SFI1: variants seen among roughly 807,000 people sequenced by gnomAD.
The protein encoded by SFI1 is protein SFI1 homolog.
Under a neutral mutation model 207.5 loss-of-function variants are expected in SFI1, and 195 were observed. That is an observed-to-expected ratio of 0.94 (90% CI 0.84 to 1.06). The LOEUF (loss-of-function observed/expected upper bound fraction) is 1.06. Among genes scored for constraint, SFI1 ranks in the 50% least tolerant of loss-of-function variants. The pLI, the probability that SFI1 is intolerant of heterozygous loss-of-function variation, is 0.00. For synonymous variants in SFI1, 630 were observed against 598.9 expected (o/e 1.05, Z -0.76); for missense variants, 1,634 against 1,588.0 (o/e 1.03, Z -0.49).
rs894427350 is a variant in SFI1 at position 31,607,756 on chromosome 22, C to T, written c.2158-181C>T. 5 of 502,404 alleles carry T rather than the reference C, an allele frequency of 1.0e-5. No individual in the cohort carries two copies. In the South Asian group the frequency reaches 1.5e-4, roughly 15 times the overall value. The allele number at this position is 502,404 out of a possible 1,614,324, so 31.1% of individuals were successfully genotyped here. ...GAAATGCTGGGCTTCCTGTGAGGGG[C>T]TGGGGCCCTGTCCTATTGCTCAGTG... On this transcript the variant is annotated intron_variant, in intron 21 of 32. Transcript: ENST00000400288.
rs1220311850 is a variant in SFI1 at position 31,612,378 on chromosome 22, T to TGAAAAAAAAAAAA, written c.2490+538_2490+539insGAAAAAAAAAAAA. 3 of 62,260 alleles carry TGAAAAAAAAAAAA rather than the reference T, an allele frequency of 4.8e-5. 1 individual carries two copies. The highest frequency in any genetic ancestry group is 1.4e-3 in the South Asian group (2 of 1,428). 3.9% of individuals were successfully genotyped at this position (62,260 alleles called of 1,614,324 possible). ...CCGGGCAACAGAGCGAGACTCTGTC[T>TGAAAAAAAAAAAA]AAAAAAAAAAAAAAAAAAAAATATA... On this transcript the variant is annotated intron_variant, in intron 24 of 32. Transcript: ENST00000400288.
At chr22:31,573,347 G>T in intron 9 of SFI1, 133 bp downstream of exon 9, 6 of 746,036 alleles carry the variant, frequency 8.0e-6, no homozygotes, top group Non-Finnish European at 1.2e-5. Context: ...AGATTAAGGA[G>T]GAAAATACAT....
At chr22:31,533,024 A>G (rs1271162464) in intron 4 of SFI1, among the ~76,000 whole-genome samples, 3 of 152,170 alleles carry the variant, frequency 2.0e-5, no homozygotes, top group Non-Finnish European at 4.4e-5. Flanking sequence ...CAGAAAATAG[A>G]GGCGTTAACA....
At position 31,568,210 on chromosome 22, in the gene SFI1, GTA is replaced by G. The variant is rs1158605358; in HGVS notation, c.766-4832_766-4831del. ...GTGTGTGTGTTGTGTGTGTGTGTGT[GTA>G]TATATATATATATATTTTTTTTTTT... On this transcript the variant is annotated intron_variant, in intron 8 of 32. Coordinates refer to ENST00000400288, the MANE Select transcript of SFI1 (RefSeq NM_001007467.3). Among the ~76,000 whole-genome samples, 302 of 114,574 alleles carry G rather than the reference GTA, an allele frequency of 2.6e-3. 2 individuals carry two copies. Among genetic ancestry groups the G allele is most frequent in the East Asian group, 0.024 (67 of 2,742 alleles). The allele number at this position is 114,574 out of a possible 152,430, so 75.2% of individuals were successfully genotyped here. A position where few individuals can be genotyped will look rare whatever the true frequency, so the allele number is the denominator to read the frequency against.
At chr22:31,512,542 A>G (rs951142722) in intron 2 of SFI1, among the ~76,000 whole-genome samples, 2 of 151,366 alleles carry the variant, frequency 1.3e-5, no homozygotes, top group Non-Finnish European at 2.9e-5. Context: ...TTTGAGACGG[A>G]GTCTCGCCCT....
chr22:31,611,823 C>T lies in SFI1; in HGVS notation c.2473C>T (p.Arg825Cys), dbSNP rs372720690. 41 of 1,613,838 alleles carry T rather than the reference C, an allele frequency of 2.5e-5. No individual in the cohort carries two copies. The highest frequency in any genetic ancestry group is 5.0e-5 in the Admixed American group (3 of 60,004). ...LAQRLSRTCF[R>C]QWRQQLAARR... ...ACAGAGACTCAGCCGGACCTGCTTC[C>T]GCCAGTGGAGACAACAGGTGGGAAC... The change falls in exon 24 of 33, where the codon CGC becomes TGC. Residue 825 changes from arginine to cysteine, a missense_variant. Coordinates refer to ENST00000400288, the MANE Select transcript of SFI1 (RefSeq NM_001007467.3).
At chr22:31,540,251 A>ATATTT (rs531554203) in intron 4 of SFI1, among the ~76,000 whole-genome samples, 7 of 150,016 alleles carry the variant, frequency 4.7e-5, no homozygotes, top group African/African-American at 9.8e-5. Flanking sequence ...TTATTTATTT[A>ATATTT]TATTTTATTT....
chr22:31,616,000 T>G (rs2071363466), intron 29 of SFI1: 3 of 151,644 alleles, frequency 2.0e-5, no homozygotes, highest in South Asian at 2.1e-4. Flanking sequence ...GGCCAGAGAT[T>G]GAGAAGAATC....
At chr22:31,585,840 CT>C (rs2064963472) in intron 14 of SFI1, among the ~76,000 whole-genome samples, 1 of 152,174 alleles carries the variant, frequency 6.6e-6, no homozygotes, top group South Asian at 2.1e-4. Flanking sequence ...TTGATGGCAT[CT>C]GCCATTGTGA....
intron 15 of SFI1, among the ~76,000 whole-genome samples, chr22:31,599,251 A>G (rs1347769761): frequency 6.6e-6 from 1 of 151,992 alleles, no homozygotes; most frequent in Non-Finnish European, 1.5e-5. Context: ...TTTTTTTTCT[A>G]CATATGATAT....
Position 31,550,239 on chromosome 22 carries a change from T to G in SFI1, c.450-15T>G. Reference sequence around the variant, plus strand: ...TATTTTGAAGAAATGCCATTTACTTTTTTTGGCTCCTCAGGTATTACCTGT... The same window carrying G: ...TATTTTGAAGAAATGCCATTTACTTGTTTTGGCTCCTCAGGTATTACCTGT... On this transcript the variant is annotated splice_polypyrimidine_tract_variant and intron_variant, in intron 5 of 32. Coordinates refer to ENST00000400288, the MANE Select transcript of SFI1 (RefSeq NM_001007467.3). 3 of 1,610,910 alleles carry G rather than the reference T, an allele frequency of 1.9e-6. No homozygotes were observed. Among genetic ancestry groups the G allele is most frequent in the Non-Finnish European group, 2.5e-6 (3 of 1,177,676 alleles).
At chr22:31,601,128 C>CTTTT (rs11354377) in intron 15 of SFI1, among the ~76,000 whole-genome samples, 3 of 80,308 alleles carry the variant, frequency 3.7e-5, no homozygotes, top group South Asian at 5.0e-4. Context: ...CTTTTCTTTA[C>CTTTT]TTTTTTTTTT....
At chr22:31,559,117 G>A (rs2061436928) in intron 7 of SFI1, among the ~76,000 whole-genome samples, 1 of 151,882 alleles carries the variant, frequency 6.6e-6, no homozygotes, top group South Asian at 2.1e-4. Flanking sequence ...TATTTATTGA[G>A]GGTTTAAAAT....
chr22:31,613,646 C>A lies in SFI1; in HGVS notation c.2787C>A (p.Leu929=). ...GTGCCGTCCGCCGCTGTGCCACGCT[C>A]TGGAAACAGAAAGTGCTGGGCCGGG... The part of the protein sequence containing the change: ...LHRAVRRCAT[L]WKQKVLGRGG... Residue 929 remains leucine (L), a synonymous_variant, in exon 27 of 33, where the codon CTC becomes CTA. Transcript: ENST00000400288. 6.2e-7 allele frequency: 1 copy of A among 1,603,188 alleles called. No individual in the cohort carries two copies. The highest frequency in any genetic ancestry group is 8.5e-7 in the Non-Finnish European group (1 of 1,173,150).
chr22:31,571,866 G>A (rs978941988), intron 8 of SFI1, among the ~76,000 whole-genome samples: 1 of 151,602 alleles, frequency 6.6e-6, no homozygotes, highest in African/African-American at 2.4e-5. Flanking sequence ...TCTAATTAAA[G>A]GTCACCCATT....
At chr22:31,540,639 G>A (rs2059398314) in intron 4 of SFI1, among the ~76,000 whole-genome samples, 1 of 151,374 alleles carries the variant, frequency 6.6e-6, no homozygotes, top group South Asian at 2.1e-4. Context: ...GGAGTGCAAT[G>A]GCATGATCTC....
chr22:31,515,544 CTGTG>C (rs34222417), intron 2 of SFI1, among the ~76,000 whole-genome samples: 155 of 145,538 alleles, frequency 1.1e-3, no homozygotes, highest in East Asian at 3.5e-3. Flanking sequence ...GTGCCTGGCT[CTGTG>C]TGTGTGTGTG....
intron 2 of SFI1, among the ~76,000 whole-genome samples, chr22:31,517,285 G>A (rs11704494): frequency 0.42 from 64,444 of 151,886 alleles, 14,274 homozygotes; most frequent in Middle Eastern, 0.53. Context: ...GTCTCGCACT[G>A]TCACACTGGC....
At chr22:31,598,058 A>T (rs961810319) in intron 15 of SFI1, among the ~76,000 whole-genome samples, 1 of 151,690 alleles carries the variant, frequency 6.6e-6, no homozygotes, top group Admixed American at 6.6e-5. Context: ...GCTCACTGCA[A>T]GCTCCACCTT....
Sources: gnomAD v4.1 joint callset for allele counts (sites outside exome capture counted in the v4.1 genomes callset) on GRCh38, gnomAD v4.1.1 for gene constraint, MANE v1.5 for transcripts, NCBI Gene and HGNC (gene_info 2026-07-23, HGNC 2026-07-21) for gene names.